The following KCNH5 variants were observed in gnomAD, a reference collection of about 807,000 sequenced individuals.
KCNH5 encodes the protein voltage-gated delayed rectifier potassium channel KCNH5.
In KCNH5, 46 loss-of-function variants were observed where a neutral mutation model predicts 96.1. The observed-to-expected ratio is 0.48, with a 90% CI of 0.38 to 0.61. The LOEUF is 0.61. Among genes scored for constraint, KCNH5 ranks in the 20% least tolerant of loss-of-function variants. KCNH5 has a pLI of 0.00. For synonymous variants in KCNH5, 439 were observed against 449.8 expected (o/e 0.98, Z 0.30); for missense variants, 907 against 1,225.8 (o/e 0.74, Z 3.88).
Position 62,956,631 on chromosome 14 carries a change from CG to C in KCNH5, c.943-6073del, listed in dbSNP as rs560370805. Among the ~76,000 whole-genome samples, 341 of 35,682 alleles carry C rather than the reference CG, an allele frequency of 9.6e-3. 9 individuals carry two copies. The South Asian group carries it at 0.12, about 13-fold the overall frequency. 23.4% of individuals were successfully genotyped at this position (35,682 alleles called of 152,430 possible). On this transcript the variant is annotated intron_variant, in intron 6 of 10. Transcript: ENST00000322893. ...CTCATCCCATGATATTTGGTGGGGGCGGGGGGGGGCAGGGAGTCATAGCTAT... is the reference window on the plus strand; with the variant it reads ...CTCATCCCATGATATTTGGTGGGGGCGGGGGGGGCAGGGAGTCATAGCTAT...
At chr14:62,983,878 C>T (rs542545893) in intron 5 of KCNH5, among the ~76,000 whole-genome samples, 14 of 152,058 alleles carry the variant, frequency 9.2e-5, no homozygotes, top group African/African-American at 3.4e-4. Flanking sequence ...ATTCAGGACC[C>T]AATTCTCTAG....
At chr14:62,755,767 G>C (rs1329714077) in intron 10 of KCNH5, among the ~76,000 whole-genome samples, 2 of 152,188 alleles carry the variant, frequency 1.3e-5, no homozygotes, top group Non-Finnish European at 2.9e-5. Flanking sequence ...TCATGACCAA[G>C]TGGGATTTAT....
At chr14:62,737,268 C>T (rs1885178178) in intron 10 of KCNH5, among the ~76,000 whole-genome samples, 1 of 152,134 alleles carries the variant, frequency 6.6e-6, no homozygotes. Context: ...TACTGATGCA[C>T]CCTAAATACC....
chr14:63,005,412 T>C (rs1891105801), intron 3 of KCNH5, among the ~76,000 whole-genome samples: 1 of 152,184 alleles, frequency 6.6e-6, no homozygotes, highest in Admixed American at 6.5e-5. Flanking sequence ...TAAATTATGC[T>C]CCACAAGATC....
intron 7 of KCNH5, among the ~76,000 whole-genome samples, chr14:62,908,729 T>C (rs1889078876): frequency 1.3e-5 from 2 of 149,698 alleles, no homozygotes; most frequent in South Asian, 4.3e-4. Flanking sequence ...TTGTGCCCAG[T>C]GTCCTCCAGA....
Position 62,895,816 on chromosome 14 carries a change from G to A in KCNH5, c.1370-45964C>T, listed in dbSNP as rs576543970. Among the ~76,000 whole-genome samples, 22 of 152,128 alleles carry A rather than the reference G, an allele frequency of 1.4e-4. No individual in the cohort carries two copies. The South Asian group carries it at 4.1e-3, about 29-fold the overall frequency. On this transcript the variant is annotated intron_variant, in intron 7 of 10. Transcript: ENST00000322893. The stretch of plus-strand genomic sequence containing the variant: ...AGACTCCAAAGACATATTTTGTAAA[G>A]GTTCATCAGCATTACTTAGGAACAC...
intron 4 of KCNH5, 99 bp downstream of exon 4, chr14:63,001,232 A>G: frequency 9.7e-7 from 1 of 1,027,182 alleles, no homozygotes; most frequent in Non-Finnish European, 1.4e-6. Context: ...GCCACATAGT[A>G]GAATTTTGTT....
At chr14:62,776,731 T>C (rs573025749) in intron 10 of KCNH5, among the ~76,000 whole-genome samples, 1 of 152,354 alleles carries the variant, frequency 6.6e-6, no homozygotes, top group South Asian at 2.1e-4. Context: ...GGAATTCTAG[T>C]TATAGCTCTA....
intron 10 of KCNH5, among the ~76,000 whole-genome samples, chr14:62,713,012 T>C (rs529698371): frequency 1.3e-5 from 2 of 152,314 alleles, no homozygotes; most frequent in East Asian, 3.9e-4. Context: ...GACTCTGACA[T>C]CAACCTTGAT....
intron 7 of KCNH5, among the ~76,000 whole-genome samples, chr14:62,901,236 T>C (rs1206124006): frequency 1.3e-5 from 2 of 152,186 alleles, no homozygotes; most frequent in Non-Finnish European, 2.9e-5. Flanking sequence ...TTTTGGGTTT[T>C]TTTCAACTTT....
chr14:62,759,720 G>C (rs1287687783), intron 10 of KCNH5, among the ~76,000 whole-genome samples: 1 of 151,632 alleles, frequency 6.6e-6, no homozygotes, highest in Non-Finnish European at 1.5e-5. Context: ...AAAATTGCTG[G>C]TTCAAAATTT....
At chr14:62,846,883 C>G (rs1887706631) in intron 8 of KCNH5, among the ~76,000 whole-genome samples, 1 of 140,242 alleles carries the variant, frequency 7.1e-6, no homozygotes, top group East Asian at 2.1e-4. Flanking sequence ...TCACTGCAAG[C>G]TCCGCCTCCC....
intron 8 of KCNH5, among the ~76,000 whole-genome samples, chr14:62,835,513 T>C (rs1307736822): frequency 6.6e-6 from 1 of 152,098 alleles, no homozygotes; most frequent in Non-Finnish European, 1.5e-5. Context: ...ATGTAATACA[T>C]AATATTCTTA....
intron 7 of KCNH5, among the ~76,000 whole-genome samples, chr14:62,924,792 G>A (rs1473704239): frequency 6.6e-6 from 1 of 151,922 alleles, no homozygotes; most frequent in Non-Finnish European, 1.5e-5. Context: ...TAGAAAGGTA[G>A]TTACCAGGTA....
chr14:62,852,915 C>A (rs563804863), intron 7 of KCNH5, among the ~76,000 whole-genome samples: 1 of 152,066 alleles, frequency 6.6e-6, no homozygotes, highest in Admixed American at 6.5e-5. Flanking sequence ...CTCTAAACTG[C>A]TAACTCTCAA....
chr14:63,043,774 T>A (rs559673261), intron 1 of KCNH5, among the ~76,000 whole-genome samples: 1 of 152,282 alleles, frequency 6.6e-6, no homozygotes, highest in African/African-American at 2.4e-5. Flanking sequence ...TCAGAGGAAA[T>A]ATTTACAAGC....
chr14:62,903,043 T>A (rs1174040643), intron 7 of KCNH5, among the ~76,000 whole-genome samples: 2 of 152,216 alleles, frequency 1.3e-5, no homozygotes, highest in Admixed American at 1.3e-4. Flanking sequence ...AAGACAGTTA[T>A]GAATAAATGT....
chr14:62,888,036 C>G (rs1404427040), intron 7 of KCNH5, among the ~76,000 whole-genome samples: 1 of 152,084 alleles, frequency 6.6e-6, no homozygotes, highest in African/African-American at 2.4e-5. Flanking sequence ...TAAGAGCATT[C>G]GAAACTTTCC....
intron 7 of KCNH5, among the ~76,000 whole-genome samples, chr14:62,906,076 T>C (rs1889020843): frequency 6.6e-6 from 1 of 152,236 alleles, no homozygotes; most frequent in Non-Finnish European, 1.5e-5. Flanking sequence ...TTCAACTGCA[T>C]AGGGTTTTCT....
Sources: gnomAD v4.1 joint callset for allele counts (sites outside exome capture counted in the v4.1 genomes callset) on GRCh38, gnomAD v4.1.1 for gene constraint, MANE v1.5 for transcripts, NCBI Gene and HGNC (gene_info 2026-07-23, HGNC 2026-07-21) for gene names.